Variants in SYCP1 observed in about 807,000 individuals in gnomAD.
The protein encoded by SYCP1 is cancer/testis antigen 8.
Under a neutral mutation model 153.1 loss-of-function variants are expected in SYCP1, and 64 were observed. The observed-to-expected ratio is 0.42, with a 90% CI of 0.34 to 0.51. The LOEUF (loss-of-function observed/expected upper bound fraction) is 0.51. Ranked by LOEUF, SYCP1 falls within the 20% of genes least tolerant of loss-of-function variation. SYCP1 has a pLI of 0.06. For synonymous variants in SYCP1, 384 were observed against 341.8 expected, an observed-to-expected ratio of 1.12 and a Z score of -1.36; for missense variants, 997 against 1,049.0, an observed-to-expected ratio of 0.95 and a Z score of 0.68.
Position 114,911,519 on chromosome 1 carries a change from C to T in SYCP1, c.1466C>T (p.Thr489Ile), listed in dbSNP as rs771309050. ...HDLEIQLTAI[T>I]TSEQYYSKEV... Reference sequence around the variant, plus strand: ...TTGGAAATACAGTTAACTGCCATTACCACAAGTGAACAGTATTATTCAAAA... The same window carrying T: ...TTGGAAATACAGTTAACTGCCATTATCACAAGTGAACAGTATTATTCAAAA... Residue 489 changes from threonine (T) to isoleucine (I), a missense_variant, in exon 18 of 32, where the codon ACC becomes ATC. Thr to Ile is a moderately conservative substitution (Grantham distance 89, BLOSUM62 -1). Transcript: ENST00000369522. The T allele has an allele frequency of 3.8e-6, 6 of 1,559,806 alleles. No homozygotes were observed. Among genetic ancestry groups the T allele is most frequent in the Non-Finnish European group, 5.2e-6 (6 of 1,158,004 alleles).
At chr1:114,941,958 A>C (rs1202943164) in intron 23 of SYCP1, among the ~76,000 whole-genome samples, 2 of 152,130 alleles carry the variant, frequency 1.3e-5, no homozygotes, top group East Asian at 3.8e-4. Flanking sequence ...TAAATCTGAA[A>C]TATTTTTGGT....
intron 29 of SYCP1, among the ~76,000 whole-genome samples, chr1:114,981,816 C>A (rs1673176493): frequency 6.6e-6 from 1 of 151,980 alleles, no homozygotes. Context: ...TCACTGTCCA[C>A]AACTTAATGT....
At chr1:114,936,429 A>G (rs1386379554) in intron 23 of SYCP1, among the ~76,000 whole-genome samples, 1 of 152,194 alleles carries the variant, frequency 6.6e-6, no homozygotes, top group African/African-American at 2.4e-5. Flanking sequence ...ATTTATGACA[A>G]ACCCACAGCC....
Position 114,916,602 on chromosome 1 carries a change from C to T in SYCP1, c.1718+2557C>T, listed in dbSNP as rs144488006. ...TTCAAGTTTGATTTTAGAATTTCTT[C>T]TTTTTAAAATTGTCTGCTTATACCT... On this transcript the variant is annotated intron_variant, in intron 20 of 31. Transcript: ENST00000369522. 4.4e-3 allele frequency among the ~76,000 whole-genome samples: 645 copies of T among 147,400 alleles called. 2 individuals carry two copies. Among genetic ancestry groups the T allele is most frequent in the Non-Finnish European group, 7.7e-3 (514 of 66,964 alleles).
chr1:114,890,755 C>T (rs11799348), intron 15 of SYCP1, among the ~76,000 whole-genome samples: 4,759 of 152,208 alleles, frequency 0.031, 123 homozygotes, highest in Non-Finnish European at 0.042. Flanking sequence ...TATTCTCCTT[C>T]CCTTATGCTT....
intron 8 of SYCP1, among the ~76,000 whole-genome samples, chr1:114,868,678 C>T (rs947516905): frequency 6.6e-6 from 1 of 152,130 alleles, no homozygotes; most frequent in Admixed American, 6.6e-5. Flanking sequence ...GCTGGCAGGC[C>T]TGGTGCTTTC....
chr1:114,918,250 C>G (rs1477441230), intron 20 of SYCP1, among the ~76,000 whole-genome samples: 2 of 151,920 alleles, frequency 1.3e-5, no homozygotes, highest in Non-Finnish European at 2.9e-5. Flanking sequence ...CGAGACTATC[C>G]TTTCCCCAAT....
At chr1:114,868,793 A>G (rs1275610389) in intron 8 of SYCP1, among the ~76,000 whole-genome samples, 1 of 152,124 alleles carries the variant, frequency 6.6e-6, no homozygotes, top group Admixed American at 6.5e-5. Flanking sequence ...GTGTCTTTTG[A>G]CAGTTGGTCC....
At chr1:114,985,445 T>C (rs891689112) in intron 30 of SYCP1, among the ~76,000 whole-genome samples, 1 of 151,980 alleles carries the variant, frequency 6.6e-6, no homozygotes, top group Non-Finnish European at 1.5e-5. Context: ...GGCATAATAA[T>C]GGTTTATTGA....
chr1:114,884,049 T>C (rs977684613), intron 12 of SYCP1, among the ~76,000 whole-genome samples: 8 of 152,192 alleles, frequency 5.3e-5, no homozygotes, highest in African/African-American at 1.7e-4. Context: ...TCATTCTATG[T>C]AGTTTTTTCA....
intron 27 of SYCP1, among the ~76,000 whole-genome samples, chr1:114,956,250 G>T (rs1250482589): frequency 1.3e-5 from 2 of 152,150 alleles, no homozygotes; most frequent in Non-Finnish European, 2.9e-5. Context: ...TTGGATGGGT[G>T]GTGGGGGGAC....
chr1:114,985,619 T>C (rs1673447619), intron 30 of SYCP1, among the ~76,000 whole-genome samples: 1 of 151,912 alleles, frequency 6.6e-6, no homozygotes, highest in African/African-American at 2.4e-5. Flanking sequence ...TTCTACTACT[T>C]TGGGACCTTC....
chr1:114,902,977 C>T (rs922360239), intron 16 of SYCP1, among the ~76,000 whole-genome samples: 4 of 151,964 alleles, frequency 2.6e-5, no homozygotes, highest in African/African-American at 9.7e-5. Flanking sequence ...GCCAGGAGTT[C>T]GAGATCGGCC....
At chr1:114,912,942 C>A in intron 18 of SYCP1, 91 bp from the exon 19 acceptor site, 1 of 839,422 alleles carries the variant, frequency 1.2e-6, no homozygotes, top group Non-Finnish European at 1.9e-6. Flanking sequence ...AGCCCTTCAT[C>A]CCTTTCCCCT....
chr1:114,951,059 T>C (rs950048237), intron 27 of SYCP1, among the ~76,000 whole-genome samples: 3 of 152,060 alleles, frequency 2.0e-5, no homozygotes, highest in Non-Finnish European at 1.5e-5. Flanking sequence ...CTCCTGACCT[T>C]GTGATCCGCC....
At chr1:114,926,063 C>G (rs1206246344) in intron 21 of SYCP1, among the ~76,000 whole-genome samples, 1 of 151,912 alleles carries the variant, frequency 6.6e-6, no homozygotes, top group Non-Finnish European at 1.5e-5. Flanking sequence ...CACTTGAACC[C>G]AGGAGTTGGA....
intron 12 of SYCP1, among the ~76,000 whole-genome samples, chr1:114,884,811 T>C (rs933863286): frequency 3.3e-5 from 5 of 152,138 alleles, no homozygotes; most frequent in African/African-American, 1.2e-4. Flanking sequence ...CGAGGCCAGG[T>C]AGCTTAGTAA....
intron 26 of SYCP1, 83 bp from the exon 27 acceptor site, chr1:114,947,163 T>G: frequency 1.0e-6 from 1 of 993,160 alleles, no homozygotes; most frequent in South Asian, 1.4e-5. Context: ...AATATTAAAT[T>G]TACTCAGAGC....
rs79158664 is a variant in SYCP1, at chr1:114,873,070, A to T, written c.599-1436A>T. Among the ~76,000 whole-genome samples the T allele has an allele frequency of 1.1e-3, 163 of 152,266 alleles. 4 individuals carry two copies. The East Asian group carries it at 0.028, about 26-fold the overall frequency. ...TCTATTCTTGCGTGATGTCTACTTT[A>T]TGTACTAGAGCCCTTAGTATATCAA... On this transcript the variant is annotated intron_variant, in intron 8 of 31. Coordinates refer to ENST00000369522, the MANE Select transcript of SYCP1 (RefSeq NM_003176.4).
Sources: gnomAD v4.1 joint callset for allele counts (sites outside exome capture counted in the v4.1 genomes callset) on GRCh38, gnomAD v4.1.1 for gene constraint, MANE v1.5 for transcripts, NCBI Gene and HGNC (gene_info 2026-07-23, HGNC 2026-07-21) for gene names.